The following ITPR2 variants were observed in gnomAD, a reference collection of about 807,000 sequenced individuals.
ITPR2 encodes the protein inositol 1,4,5-trisphosphate-gated calcium channel ITPR2.
ITPR2 carries 207 observed loss-of-function variants against 317.1 expected under a neutral mutation model. That is an observed-to-expected ratio of 0.65 (90% CI 0.58 to 0.73). ITPR2 has a LOEUF of 0.73. Among genes scored for constraint, ITPR2 ranks in the 30% least tolerant of loss-of-function variants. The pLI, the probability that ITPR2 is intolerant of heterozygous loss-of-function variation, is 0.00. For synonymous variants in ITPR2, 1,156 were observed against 1,149.1 expected, an observed-to-expected ratio of 1.01 and a Z score of -0.12; for missense variants, 2,613 against 3,284.0, an observed-to-expected ratio of 0.80 and a Z score of 4.99.
intron 10 of ITPR2, among the ~76,000 whole-genome samples, chr12:26,689,291 C>T (rs1458633136): frequency 6.6e-6 from 1 of 152,108 alleles, no homozygotes; most frequent in African/African-American, 2.4e-5. Context: ...ATGGCACACG[C>T]CTATGGTCTC....
chr12:26,342,513 GC>G (rs1266412331), intron 55 of ITPR2, among the ~76,000 whole-genome samples: 87 of 66,976 alleles, frequency 1.3e-3, no homozygotes, highest in East Asian at 2.2e-3. Flanking sequence ...GGGGGGGGGG[GC>G]GGGGGTCAGA....
chr12:26,442,304 C>T (rs1941504285), intron 46 of ITPR2, among the ~76,000 whole-genome samples: 1 of 152,138 alleles, frequency 6.6e-6, no homozygotes, highest in Admixed American at 6.6e-5. Flanking sequence ...CTCTACATTT[C>T]CTTGGCCCTT....
chr12:26,437,083 A>G (rs996788872), intron 47 of ITPR2, among the ~76,000 whole-genome samples: 2 of 152,194 alleles, frequency 1.3e-5, no homozygotes, highest in African/African-American at 4.8e-5. Context: ...GTTTACATTA[A>G]CCAAAAATCA....
intron 37 of ITPR2, among the ~76,000 whole-genome samples, chr12:26,530,489 G>T (rs1565583852): frequency 6.6e-6 from 1 of 152,164 alleles, no homozygotes; most frequent in Non-Finnish European, 1.5e-5. Flanking sequence ...TTTCTTGATG[G>T]TCAGAAGTAA....
At chr12:26,795,576 A>G (rs941922468) in intron 1 of ITPR2, among the ~76,000 whole-genome samples, 26 of 152,190 alleles carry the variant, frequency 1.7e-4, no homozygotes, top group Admixed American at 3.9e-4. Flanking sequence ...TAAAAGACCG[A>G]TAAGTTTGTC....
intron 34 of ITPR2, among the ~76,000 whole-genome samples, chr12:26,573,760 T>C (rs1286508083): frequency 6.6e-6 from 1 of 151,990 alleles, no homozygotes; most frequent in East Asian, 1.9e-4. Flanking sequence ...CGAAAGAAGG[T>C]CAGTGTGGAT....
intron 26 of ITPR2, among the ~76,000 whole-genome samples, chr12:26,614,174 C>T (rs1411193353): frequency 6.6e-6 from 1 of 151,960 alleles, no homozygotes; most frequent in African/African-American, 2.4e-5. Flanking sequence ...AGGACAACTC[C>T]CAGAGACCCC....
At chr12:26,343,319 G>A (rs762351091) in intron 55 of ITPR2, among the ~76,000 whole-genome samples, 1 of 152,126 alleles carries the variant, frequency 6.6e-6, no homozygotes, top group African/African-American at 2.4e-5. Flanking sequence ...TTAAAATTCC[G>A]AAGGTAGAAC....
At chr12:26,507,861 C>A (rs28366818) in intron 37 of ITPR2, among the ~76,000 whole-genome samples, 1 of 120,876 alleles carries the variant, frequency 8.3e-6, no homozygotes, top group African/African-American at 3.5e-5. Context: ...CTCTCTCTGT[C>A]TCTGTGTGTG....
chr12:26,363,233 T>TA (rs1160979809), intron 55 of ITPR2, among the ~76,000 whole-genome samples: 1 of 152,258 alleles, frequency 6.6e-6, no homozygotes, highest in Non-Finnish European at 1.5e-5. Context: ...ATCTAGGTTA[T>TA]ATGCTCCTTT....
At chr12:26,594,286 A>C (rs1368498693) in intron 32 of ITPR2, among the ~76,000 whole-genome samples, 1 of 150,258 alleles carries the variant, frequency 6.7e-6, no homozygotes, top group Non-Finnish European at 1.5e-5. Flanking sequence ...TTTCACTTGG[A>C]AACCCTGGCT....
intron 2 of ITPR2, among the ~76,000 whole-genome samples, chr12:26,730,297 C>T (rs1257926326): frequency 3.3e-5 from 5 of 152,170 alleles, no homozygotes; most frequent in African/African-American, 1.2e-4. Context: ...TGCAGGATTA[C>T]AGCTATTTCA....
chr12:26,710,881 A>C (rs1948632118), intron 9 of ITPR2, among the ~76,000 whole-genome samples: 1 of 152,188 alleles, frequency 6.6e-6, no homozygotes, highest in Non-Finnish European at 1.5e-5. Flanking sequence ...TAAATAGAAA[A>C]TTTTAGGCCA....
intron 13 of ITPR2, among the ~76,000 whole-genome samples, chr12:26,679,059 T>C (rs1000782640): frequency 1.3e-5 from 2 of 152,138 alleles, no homozygotes; most frequent in African/African-American, 4.8e-5. Flanking sequence ...AACAGGCAAA[T>C]AAAAATTCCT....
At chr12:26,403,131 C>T (rs558909933) in intron 52 of ITPR2, among the ~76,000 whole-genome samples, 7 of 152,188 alleles carry the variant, frequency 4.6e-5, no homozygotes, top group African/African-American at 1.7e-4. Flanking sequence ...GCCAGTAAAA[C>T]CAATGAGGGA....
At chr12:26,342,722 G>T (rs754386354) in intron 55 of ITPR2, among the ~76,000 whole-genome samples, 2 of 152,038 alleles carry the variant, frequency 1.3e-5, no homozygotes, top group Non-Finnish European at 2.9e-5. Flanking sequence ...TGATTCTCCC[G>T]CCTCAGCCTC....
chr12:26,449,439 C>T (rs990026644), intron 45 of ITPR2, among the ~76,000 whole-genome samples: 18 of 152,140 alleles, frequency 1.2e-4, no homozygotes, highest in African/African-American at 4.3e-4. Context: ...AAGTGCAAAG[C>T]ACGGTTTTAG....
At chr12:26,355,708 C>A (rs1189980276) in intron 55 of ITPR2, among the ~76,000 whole-genome samples, 1 of 152,100 alleles carries the variant, frequency 6.6e-6, no homozygotes, top group Admixed American at 6.6e-5. Context: ...TTCCAAATAC[C>A]TTTTTCTAGA....
At chr12:26,505,209 CA>C (rs1431113499) in intron 37 of ITPR2, among the ~76,000 whole-genome samples, 2 of 152,182 alleles carry the variant, frequency 1.3e-5, no homozygotes, top group Non-Finnish European at 2.9e-5. Context: ...ATCATGATGA[CA>C]GCTTCCTACA....
Sources: allele counts gnomAD v4.1 joint callset (sites outside exome capture counted in the v4.1 genomes callset), GRCh38; gene constraint gnomAD v4.1.1; transcripts MANE v1.5; gene names NCBI Gene and HGNC (gene_info 2026-07-23, HGNC 2026-07-21).